Variants in INPP4B observed in about 807,000 individuals in gnomAD.
INPP4B encodes inositol polyphosphate 4-phosphatase type II.
INPP4B carries 55 observed loss-of-function variants against 122.5 expected under a neutral mutation model. The observed-to-expected ratio is 0.45, with a 90% CI of 0.36 to 0.56. The LOEUF (loss-of-function observed/expected upper bound fraction) is 0.56. Among genes scored for constraint, INPP4B ranks in the 20% least tolerant of loss-of-function variants. The pLI is 0.00. For synonymous variants in INPP4B, 403 were observed against 388.7 expected (o/e 1.04, Z -0.43); for missense variants, 1,000 against 1,097.7 (o/e 0.91, Z 1.26).
intron 7 of INPP4B, among the ~76,000 whole-genome samples, chr4:142,402,137 G>A (rs1801815539): frequency 6.6e-6 from 1 of 152,076 alleles, no homozygotes; most frequent in African/African-American, 2.4e-5. Context: ...GAACCCACTG[G>A]TCCACCTGCC....
At chr4:142,798,308 T>G (rs1236511907) in intron 1 of INPP4B, among the ~76,000 whole-genome samples, 2 of 151,886 alleles carry the variant, frequency 1.3e-5, no homozygotes, top group Non-Finnish European at 2.9e-5. Flanking sequence ...TGATGATAGA[T>G]TCAAGAGGAT....
chr4:142,806,785 AGGAAAGAAAG>A, intron 1 of INPP4B, among the ~76,000 whole-genome samples: 1 of 81,060 alleles, frequency 1.2e-5, no homozygotes, highest in Non-Finnish European at 2.9e-5. Context: ...GAAAGAAAGA[AGGAAAGAAAG>A]AAAGAAAGAA....
chr4:142,431,506 A>G (rs909055023), intron 3 of INPP4B, 121 bp from the exon 4 acceptor site: 2 of 502,538 alleles, frequency 4.0e-6, no homozygotes, highest in Non-Finnish European at 7.1e-6. Flanking sequence ...TACTCCACTC[A>G]TACTTTCAGA....
intron 2 of INPP4B, among the ~76,000 whole-genome samples, chr4:142,551,020 A>G (rs750019673): frequency 6.6e-6 from 1 of 152,180 alleles, no homozygotes; most frequent in Non-Finnish European, 1.5e-5. Flanking sequence ...CGATAACACA[A>G]ACTAGTAGAT....
At chr4:142,510,611 T>C (rs929706113) in intron 2 of INPP4B, among the ~76,000 whole-genome samples, 6 of 152,202 alleles carry the variant, frequency 3.9e-5, no homozygotes, top group Admixed American at 2.0e-4. Flanking sequence ...TATTATGTAA[T>C]GTAGAGTTCT....
At chr4:142,654,379 A>C (rs554788059) in intron 2 of INPP4B, 1 of 151,096 alleles carries the variant, frequency 6.6e-6, no homozygotes, top group Non-Finnish European at 1.5e-5. Context: ...AAAAAAAAAA[A>C]AAAAAAAAAA....
chr4:142,239,346 C>G (rs1378153351), intron 11 of INPP4B, among the ~76,000 whole-genome samples: 1 of 151,988 alleles, frequency 6.6e-6, no homozygotes, highest in Non-Finnish European at 1.5e-5. Flanking sequence ...TCAACAGCAC[C>G]AACAGAAGCC....
chr4:142,058,074 A>G (rs1178131752), intron 25 of INPP4B, among the ~76,000 whole-genome samples: 1 of 152,128 alleles, frequency 6.6e-6, no homozygotes, highest in Non-Finnish European at 1.5e-5. Flanking sequence ...AATGTGCCAT[A>G]TACTAAAGAA....
intron 18 of INPP4B, among the ~76,000 whole-genome samples, chr4:142,140,032 A>G (rs1806923862): frequency 6.6e-6 from 1 of 152,190 alleles, no homozygotes; most frequent in South Asian, 2.1e-4. Flanking sequence ...TAAGGTAAAT[A>G]TAGTGAATTA....
intron 7 of INPP4B, among the ~76,000 whole-genome samples, chr4:142,381,925 G>A (rs1794240932): frequency 6.6e-6 from 1 of 151,496 alleles, no homozygotes; most frequent in Admixed American, 6.6e-5. Context: ...AAAAAACTAT[G>A]CAAATTTGAT....
chr4:142,616,446 C>G (rs1245314049), intron 2 of INPP4B, among the ~76,000 whole-genome samples: 1 of 152,052 alleles, frequency 6.6e-6, no homozygotes, highest in Admixed American at 6.6e-5. Context: ...TTTCTGAGAC[C>G]TCTCAATTTT....
intron 2 of INPP4B, among the ~76,000 whole-genome samples, chr4:142,607,753 C>T (rs949047735): frequency 6.6e-6 from 1 of 152,036 alleles, no homozygotes; most frequent in Admixed American, 6.6e-5. Context: ...TTAAGACAGA[C>T]AATATACTTT....
At chr4:142,783,998 T>C (rs1368329274) in intron 1 of INPP4B, among the ~76,000 whole-genome samples, 1 of 152,158 alleles carries the variant, frequency 6.6e-6, no homozygotes, top group Non-Finnish European at 1.5e-5. Context: ...TGGTTTCACC[T>C]TCAGCATGTA....
chr4:142,815,657 T>C (rs1324608882), intron 1 of INPP4B, among the ~76,000 whole-genome samples: 3 of 152,162 alleles, frequency 2.0e-5, no homozygotes, highest in Non-Finnish European at 2.9e-5. Flanking sequence ...TTTACTCTTA[T>C]GAAGACAAAT....
chr4:142,443,196 T>C (rs1245399693), intron 3 of INPP4B, among the ~76,000 whole-genome samples: 1 of 152,130 alleles, frequency 6.6e-6, no homozygotes, highest in Non-Finnish European at 1.5e-5. Flanking sequence ...CATGAGAATA[T>C]AACACTCCTG....
At chr4:142,220,098 A>G (rs2149688289) in intron 12 of INPP4B, among the ~76,000 whole-genome samples, 2 of 152,342 alleles carry the variant, frequency 1.3e-5, no homozygotes, top group South Asian at 4.1e-4. Context: ...ATGACTGAGA[A>G]GTACAGTGAC....
chr4:142,431,502 AC>A, intron 3 of INPP4B, 117 bp from the exon 4 acceptor site: 1 of 508,044 alleles, frequency 2.0e-6, no homozygotes, highest in Non-Finnish European at 3.5e-6. Flanking sequence ...TGCCTACTCC[AC>A]TCATACTTTC....
intron 25 of INPP4B, among the ~76,000 whole-genome samples, chr4:142,080,751 T>C (rs1006197583): frequency 2.6e-5 from 4 of 152,152 alleles, no homozygotes; most frequent in Non-Finnish European, 4.4e-5. Flanking sequence ...CCTAAATCAG[T>C]TTAGTCCCAT....
chr4:142,828,386 C>G (rs369975653), intron 1 of INPP4B, among the ~76,000 whole-genome samples: 2 of 152,058 alleles, frequency 1.3e-5, no homozygotes, highest in Non-Finnish European at 2.9e-5. Context: ...AGAAAAGGAA[C>G]AGCTGAAGAA....
Sources: gnomAD v4.1 joint callset for allele counts (sites outside exome capture counted in the v4.1 genomes callset) on GRCh38, gnomAD v4.1.1 for gene constraint, MANE v1.5 for transcripts, NCBI Gene and HGNC (gene_info 2026-07-23, HGNC 2026-07-21) for gene names.